NRXN1: variants seen among roughly 807,000 people sequenced by gnomAD.
The protein encoded by NRXN1 is neurexin-1.
Under a neutral mutation model 150.9 loss-of-function variants are expected in NRXN1, and 39 were observed. The observed-to-expected ratio is 0.26, with a 90% confidence interval of 0.20 to 0.34. The LOEUF (loss-of-function observed/expected upper bound fraction) is 0.34. Ranked by LOEUF, NRXN1 falls within the 10% of genes least tolerant of loss-of-function variation. NRXN1 has a pLI of 1.00. For missense variants in NRXN1, 1,815 were observed against 1,949.9 expected (o/e 0.93, Z 1.30); for synonymous variants, 924 against 757.0 (o/e 1.22, Z -3.62).
chr2:50,465,673 C>A (rs938659368), intron 16 of NRXN1, 112 bp from the exon 17 acceptor site: 2 of 1,192,068 alleles, frequency 1.7e-6, no homozygotes, highest in Non-Finnish European at 2.3e-6. Flanking sequence ...TATGTCCAAA[C>A]TAGTTTTTAA....
At chr2:50,745,824 T>A (rs1048761850) in intron 5 of NRXN1, among the ~76,000 whole-genome samples, 1 of 152,132 alleles carries the variant, frequency 6.6e-6, no homozygotes, top group Non-Finnish European at 1.5e-5. Context: ...ACTACCCCCA[T>A]GATTCAATTA....
intron 2 of NRXN1, among the ~76,000 whole-genome samples, chr2:50,935,586 G>T (rs183150496): frequency 3.3e-4 from 50 of 152,190 alleles, no homozygotes; most frequent in Admixed American, 1.3e-3. Context: ...AATTAGCCAG[G>T]CATGGTGGCA....
chr2:50,554,717 C>T (rs563774616), intron 8 of NRXN1, among the ~76,000 whole-genome samples: 1 of 152,120 alleles, frequency 6.6e-6, no homozygotes, highest in South Asian at 2.1e-4. Flanking sequence ...AGAAATAAAG[C>T]CCACACATAT....
chr2:50,072,682 A>G (rs149448161), intron 19 of NRXN1, among the ~76,000 whole-genome samples: 1 of 152,088 alleles, frequency 6.6e-6, no homozygotes, highest in East Asian at 1.9e-4. Context: ...AATGTCTTAC[A>G]TTGTTGTGCT....
chr2:50,522,719 C>CCCT (rs1323306682), intron 12 of NRXN1, among the ~76,000 whole-genome samples: 1 of 86,596 alleles, frequency 1.2e-5, no homozygotes, highest in African/African-American at 6.0e-5. Flanking sequence ...TATTTTTATT[C>CCCT]ATTTTTTTTT....
intron 18 of NRXN1, among the ~76,000 whole-genome samples, chr2:50,151,952 T>TATA (rs2058723547): frequency 6.6e-6 from 1 of 151,818 alleles, no homozygotes; most frequent in Admixed American, 6.6e-5. Flanking sequence ...TAATAATCTT[T>TATA]AGGAATTAAA....
chr2:50,543,433 AAATT>A (rs1448717165), intron 9 of NRXN1, among the ~76,000 whole-genome samples: 1 of 152,136 alleles, frequency 6.6e-6, no homozygotes, highest in Non-Finnish European at 1.5e-5. Context: ...AACTAAAAAT[AAATT>A]ATTTGTGGAC....
intron 17 of NRXN1, among the ~76,000 whole-genome samples, chr2:50,269,831 C>A (rs907618222): frequency 1.3e-5 from 2 of 152,080 alleles, no homozygotes; most frequent in Admixed American, 6.6e-5. Flanking sequence ...CTTAAAGAGG[C>A]GGAAAGGTCT....
At chr2:50,386,472 C>T (rs769170876) in intron 17 of NRXN1, among the ~76,000 whole-genome samples, 9 of 151,454 alleles carry the variant, frequency 5.9e-5, no homozygotes, top group African/African-American at 1.5e-4. Flanking sequence ...AGGAATTGAG[C>T]GGTTGTCTTT....
At chr2:50,750,837 G>A (rs565513979) in intron 5 of NRXN1, among the ~76,000 whole-genome samples, 4 of 152,108 alleles carry the variant, frequency 2.6e-5, no homozygotes, top group African/African-American at 9.6e-5. Flanking sequence ...TGTGCAGAAC[G>A]TCATTCTTAA....
At chr2:50,078,508 A>C (rs187093908) in intron 19 of NRXN1, among the ~76,000 whole-genome samples, 1 of 152,094 alleles carries the variant, frequency 6.6e-6, no homozygotes, top group East Asian at 1.9e-4. Context: ...TGACTAAAGT[A>C]TACACTTTAT....
At chr2:50,285,740 C>T (rs1307781018) in intron 17 of NRXN1, among the ~76,000 whole-genome samples, 3 of 151,920 alleles carry the variant, frequency 2.0e-5, no homozygotes, top group South Asian at 4.2e-4. Flanking sequence ...TTTCAGTATG[C>T]CTACAATCTT....
At chr2:50,869,925 C>T (rs1277352769) in intron 5 of NRXN1, among the ~76,000 whole-genome samples, 1 of 151,840 alleles carries the variant, frequency 6.6e-6, no homozygotes, top group Non-Finnish European at 1.5e-5. Flanking sequence ...TGAGCATCTG[C>T]TCAGGGCTAA....
Position 50,534,099 on chromosome 2 carries a change from GCACACACA to G in NRXN1, c.2144-2677_2144-2670del, listed in dbSNP as rs10544475. Among the ~76,000 whole-genome samples the G allele has an allele frequency of 6.4e-3, 937 of 147,208 alleles. 4 individuals carry two copies. The highest frequency in any genetic ancestry group is 0.01 in the Non-Finnish European group (684 of 66,166). ...ATAAATATTAATTGAATCAATAATT[GCACACACA>G]CACACACACACACACACACACATAC... On this transcript the variant is annotated intron_variant, in intron 10 of 22. Coordinates refer to ENST00000401669, the MANE Select transcript of NRXN1 (RefSeq NM_001330078.2).
intron 8 of NRXN1, among the ~76,000 whole-genome samples, chr2:50,616,903 C>A (rs1435291021): frequency 6.6e-6 from 1 of 152,130 alleles, no homozygotes; most frequent in African/African-American, 2.4e-5. Flanking sequence ...ACCAGGAAGT[C>A]CAAGCTAGAG....
intron 17 of NRXN1, among the ~76,000 whole-genome samples, chr2:50,280,168 C>CTT (rs2071226497): frequency 6.6e-6 from 1 of 151,106 alleles, no homozygotes; most frequent in South Asian, 2.1e-4. Flanking sequence ...GTCCCAGCTA[C>CTT]TTGGGAATCT....
intron 2 of NRXN1, among the ~76,000 whole-genome samples, chr2:51,002,645 T>A (rs907171285): frequency 5.3e-5 from 8 of 151,902 alleles, no homozygotes; most frequent in African/African-American, 1.4e-4. Context: ...TCTGTAAATA[T>A]AACCGAATGA....
intron 18 of NRXN1, among the ~76,000 whole-genome samples, chr2:50,102,808 C>A (rs1406852884): frequency 6.6e-6 from 1 of 151,928 alleles, no homozygotes; most frequent in African/African-American, 2.4e-5. Context: ...CTTTTATGAA[C>A]AAATGCAGAC....
intron 5 of NRXN1, among the ~76,000 whole-genome samples, chr2:50,824,820 T>G (rs1670224895): frequency 6.6e-6 from 1 of 152,126 alleles, no homozygotes; most frequent in Non-Finnish European, 1.5e-5. Context: ...TAGAATTTGG[T>G]GAGGCAGCTT....
Sources: gnomAD v4.1 joint callset for allele counts (sites outside exome capture counted in the v4.1 genomes callset) on GRCh38, gnomAD v4.1.1 for gene constraint, MANE v1.5 for transcripts, NCBI Gene and HGNC (gene_info 2026-07-23, HGNC 2026-07-21) for gene names.